The following TPTE variants were observed in gnomAD, a reference collection of about 807,000 sequenced individuals.
TPTE encodes transmembrane phosphatase with tensin homology, also known as putative tyrosine-protein phosphatase TPTE.
TPTE carries 59 observed loss-of-function variants against 84.1 expected under a neutral mutation model. The observed-to-expected ratio is 0.70, with a 90% CI of 0.57 to 0.87. The LOEUF is 0.87. Among genes scored for constraint, TPTE ranks in the 40% least tolerant of loss-of-function variants. The pLI is 0.00. For missense variants in TPTE, 382 were observed against 659.6 expected (o/e 0.58, Z 4.61); for synonymous variants, 130 against 223.5 (o/e 0.58, Z 3.73).
chr21:10,557,329 ACT>A (rs1307128135), intron 8 of TPTE, among the ~76,000 whole-genome samples: 4 of 152,304 alleles, frequency 2.6e-5, no homozygotes, highest in African/African-American at 9.6e-5. Context: ...TTTACATAGT[ACT>A]CTTTTTTTAA....
intron 19 of TPTE, among the ~76,000 whole-genome samples, chr21:10,593,255 G>T (rs1426127109): frequency 1.3e-5 from 2 of 152,306 alleles, no homozygotes. Context: ...TGACATTTAA[G>T]TACTCTTAAA....
chr21:10,548,834 A>G (rs993082402), intron 7 of TPTE, among the ~76,000 whole-genome samples: 9 of 152,306 alleles, frequency 5.9e-5, no homozygotes, highest in African/African-American at 1.9e-4. Context: ...AGGCCAGGCA[A>G]ACAGCTGTGT....
chr21:10,551,114 T>C (rs2074563937), intron 7 of TPTE, among the ~76,000 whole-genome samples: 1 of 152,310 alleles, frequency 6.6e-6, no homozygotes, highest in African/African-American at 2.4e-5. Context: ...TATTAAGAAC[T>C]ATGTTTTTAG....
intron 4 of TPTE, among the ~76,000 whole-genome samples, chr21:10,540,281 G>A (rs1568958652): frequency 6.6e-6 from 1 of 152,308 alleles, no homozygotes; most frequent in Non-Finnish European, 1.5e-5. Context: ...GAGAGACTGA[G>A]TAGGGCTATT....
At position 10,605,416 on chromosome 21, in the gene TPTE, G is replaced by T. The variant is rs12627379; in HGVS notation, c.1521-1G>T. 0.015 allele frequency: 22,763 copies of T among 1,530,130 alleles called. No homozygotes were observed. The highest frequency in any genetic ancestry group is 0.061 in the East Asian group (2,304 of 37,712). The allele number at this position is 1,530,130 out of a possible 1,614,324, so 94.8% of individuals were successfully genotyped here. On this transcript the variant is annotated splice_acceptor_variant, in intron 23 of 23. Coordinates refer to ENST00000618007, the MANE Select transcript of TPTE (RefSeq NM_199261.4). LOFTEE classifies it high-confidence loss of function. Reference sequence around the variant, plus strand: ...ATGTAATAATTTTTTTCTATTCTTAGGCTTTATCTACCAAAAAATGAATTG... The same window carrying T: ...ATGTAATAATTTTTTTCTATTCTTATGCTTTATCTACCAAAAAATGAATTG...
rs1979198474 is a variant in TPTE, at chr21:10,605,547, G to GCT, written c.1651_1652insCT (p.Asp551AlafsTer27). 6.2e-7 allele frequency: 1 copy of GCT among 1,609,040 alleles called. No individual in the cohort carries two copies. Among genetic ancestry groups the GCT allele is most frequent in the African/African-American group, 1.3e-5 (1 of 74,944 alleles). On this transcript the variant is annotated frameshift_variant, in exon 24 of 24. Coordinates refer to ENST00000618007, the MANE Select transcript of TPTE (RefSeq NM_199261.4). LOFTEE classifies it high-confidence loss of function. The stretch of plus-strand genomic sequence containing the variant: ...TTCCAGTGATGTTGTAGCTGGATCC[G>GCT]ATTAAGTATAGCTCCCCCTTCCCCT...
At chr21:10,604,786 T>C (rs1979069340) in intron 23 of TPTE, among the ~76,000 whole-genome samples, 1 of 152,312 alleles carries the variant, frequency 6.6e-6, no homozygotes, top group African/African-American at 2.4e-5. Context: ...GGAGAAGTGA[T>C]AAGCTAGGTC....
At chr21:10,602,840 A>AG (rs1488600755) in intron 22 of TPTE, 2 of 517,972 alleles carry the variant, frequency 3.9e-6, no homozygotes, top group African/African-American at 3.9e-5. Context: ...AGAGAGAGGG[A>AG]GGGACCTGAG....
intron 17 of TPTE, among the ~76,000 whole-genome samples, chr21:10,579,856 A>G (rs1206368836): frequency 2.6e-5 from 4 of 152,308 alleles, no homozygotes; most frequent in African/African-American, 9.6e-5. Context: ...TGCAGATTTC[A>G]TTTCCTTTGG....
At chr21:10,560,935 T>G (rs1157551269) in intron 9 of TPTE, 95 bp from the exon 10 acceptor site, 4 of 1,431,180 alleles carry the variant, frequency 2.8e-6, no homozygotes, top group Non-Finnish European at 3.7e-6. Context: ...AACATTTTGG[T>G]ACCTGATCAG....
rs2074311595 is a variant in TPTE, at chr21:10,538,676, T to C, written c.-43-5T>C. ...GTCTGACTATATTCTTTTGACATCC[T>C]CTAGTCCACCCACAAATGAATTATC... is the stretch of plus-strand genomic sequence containing the variant. On this transcript the variant is annotated splice_region_variant and splice_polypyrimidine_tract_variant and intron_variant, in intron 3 of 23. Transcript: ENST00000618007. The C allele has an allele frequency of 6.2e-7, 1 of 1,614,046 alleles. No homozygotes were observed. The highest frequency in any genetic ancestry group is 8.5e-7 in the Non-Finnish European group (1 of 1,179,868).
rs551838773 is a variant in TPTE at position 10,540,118 on chromosome 21, T to C, written c.12-994T>C. ...TCTAGGAAGTTACATGTTGTCTTAG[T>C]ATGTACATGTTAACTTCTTTGGCAC... On this transcript the variant is annotated intron_variant, in intron 4 of 23. Transcript: ENST00000618007. 2.0e-5 allele frequency among the ~76,000 whole-genome samples: 3 copies of C among 152,426 alleles called. No homozygotes were observed. In the East Asian group the frequency reaches 5.8e-4, roughly 29 times the overall value.
chr21:10,547,017 G>C (rs888769586), intron 7 of TPTE, among the ~76,000 whole-genome samples: 1 of 152,304 alleles, frequency 6.6e-6, no homozygotes, highest in Non-Finnish European at 1.5e-5. Flanking sequence ...TGCCATCTAG[G>C]ACTTTTATAT....
At chr21:10,563,749 A>G (rs2074855353) in intron 10 of TPTE, among the ~76,000 whole-genome samples, 2 of 152,310 alleles carry the variant, frequency 1.3e-5, no homozygotes, top group Non-Finnish European at 2.9e-5. Flanking sequence ...CCCCAAAACA[A>G]CCAGAAAACA....
At chr21:10,545,232 T>C (rs2074443883) in intron 7 of TPTE, among the ~76,000 whole-genome samples, 5 of 147,876 alleles carry the variant, frequency 3.4e-5, no homozygotes, top group Admixed American at 2.0e-4. Context: ...TATATTAAGA[T>C]TGGTAAAATT....
At chr21:10,564,448 T>G (rs2074874130) in intron 10 of TPTE, among the ~76,000 whole-genome samples, 1 of 152,308 alleles carries the variant, frequency 6.6e-6, no homozygotes, top group African/African-American at 2.4e-5. Context: ...AGGCAGAGGT[T>G]GCAGTGAGCT....
At chr21:10,589,607 T>TC (rs1451609996) in intron 17 of TPTE, among the ~76,000 whole-genome samples, 3 of 152,310 alleles carry the variant, frequency 2.0e-5, no homozygotes, top group Admixed American at 6.5e-5. Flanking sequence ...CCACAAAGTC[T>TC]CCAAGTCTCT....
rs777806733 is a variant in TPTE, at chr21:10,542,410, A to G, written c.81A>G (p.Glu27=). 4 of 1,611,818 alleles carry G rather than the reference A, an allele frequency of 2.5e-6. No individual in the cohort carries two copies. In the South Asian group the frequency reaches 4.4e-5, roughly 18 times the overall value. The part of the protein sequence containing the change: ...LGPNDSPQTS[E]FKGATEEAPA... ...CATCCACTAGTCCACAGACAAGTGAATTTAAAGGAGCAACCGAGGAGGCAC... is the reference window on the plus strand; with the variant it reads ...CATCCACTAGTCCACAGACAAGTGAGTTTAAAGGAGCAACCGAGGAGGCAC... Residue 27 remains glutamate, a synonymous_variant, in exon 6 of 24, where the codon GAA becomes GAG. Coordinates refer to ENST00000618007, the MANE Select transcript of TPTE (RefSeq NM_199261.4).
intron 14 of TPTE, among the ~76,000 whole-genome samples, chr21:10,576,830 CATATATACATATATATATATAT>C (rs1181207950): frequency 5.8e-4 from 74 of 126,778 alleles, no homozygotes; most frequent in African/African-American, 2.0e-3. Flanking sequence ...AAAGGTTATA[CATATATACATATATATATATAT>C]ATATATATAT....
Sources: gnomAD v4.1 joint callset for allele counts (sites outside exome capture counted in the v4.1 genomes callset) on GRCh38, gnomAD v4.1.1 for gene constraint, MANE v1.5 for transcripts, NCBI Gene and HGNC (gene_info 2026-07-23, HGNC 2026-07-21) for gene names.